Variants in MGAT4C observed in about 807,000 individuals in gnomAD.
MGAT4C encodes MGAT4 family member C.
In MGAT4C, 19 loss-of-function variants were observed where a neutral mutation model predicts 40.1. The ratio of observed to expected loss-of-function variants is 0.47; its 90% CI spans 0.33 to 0.70. The LOEUF is 0.70. Among genes scored for constraint, MGAT4C ranks in the 30% least tolerant of loss-of-function variants. The pLI, the probability that MGAT4C is intolerant of heterozygous loss-of-function variation, is 0.02. For missense variants in MGAT4C, 491 were observed against 563.2 expected (o/e 0.87, Z 1.30); for synonymous variants, 181 against 187.1 (o/e 0.97, Z 0.27).
intron 2 of MGAT4C, among the ~76,000 whole-genome samples, chr12:86,510,851 G>T (rs1057219137): frequency 2.6e-5 from 4 of 151,942 alleles, no homozygotes; most frequent in African/African-American, 9.7e-5. Context: ...CAAGTCCTGG[G>T]TGACCTACAA....
At chr12:86,333,380 T>G (rs1954714814) in intron 4 of MGAT4C, among the ~76,000 whole-genome samples, 1 of 152,208 alleles carries the variant, frequency 6.6e-6, no homozygotes, top group Admixed American at 6.5e-5. Context: ...CTATCAGGCC[T>G]TACGTCCTCT....
At chr12:86,492,180 C>A (rs7399054) in intron 2 of MGAT4C, among the ~76,000 whole-genome samples, 15,846 of 152,136 alleles carry the variant, frequency 0.1, 1,033 homozygotes, top group Middle Eastern at 0.25. Flanking sequence ...TTCCATGCTC[C>A]TGGGTAGGAA....
At chr12:86,146,971 C>T (rs905284834) in intron 1 of MGAT4C, among the ~76,000 whole-genome samples, 4 of 152,114 alleles carry the variant, frequency 2.6e-5, no homozygotes, top group Admixed American at 2.0e-4. Context: ...TACTGCACAA[C>T]ACTCAACAAA....
chr12:86,702,653 C>T (rs1041839835), intron 2 of MGAT4C, among the ~76,000 whole-genome samples: 2 of 152,126 alleles, frequency 1.3e-5, no homozygotes, highest in African/African-American at 4.8e-5. Flanking sequence ...TTAAAGTCCA[C>T]CATTGAGACC....
chr12:85,962,548 G>T lies in MGAT4C; in HGVS notation c.*16741C>A, dbSNP rs1883168405. 6.7e-6 allele frequency: 1 copy of T among 150,106 alleles called. No individual in the cohort carries two copies. Among genetic ancestry groups the T allele is most frequent in the Admixed American group, 6.7e-5 (1 of 15,030 alleles). The allele number at this position is 150,106 out of a possible 1,614,324, so 9.3% of individuals were successfully genotyped here. On this transcript the variant is annotated 3_prime_UTR_variant, in exon 5 of 5. Coordinates refer to ENST00000611864, the MANE Select transcript of MGAT4C (RefSeq NM_001351288.2). The stretch of plus-strand genomic sequence containing the variant: ...TATTACTAAATGTATAATACATTTA[G>T]TAATGTGATTTGACAAATCACATTT...
At chr12:86,431,545 T>A (rs970634333) in intron 3 of MGAT4C, among the ~76,000 whole-genome samples, 2 of 152,132 alleles carry the variant, frequency 1.3e-5, no homozygotes, top group East Asian at 1.9e-4. Flanking sequence ...CCATTATAAG[T>A]TAAATATTAT....
chr12:86,459,804 C>T (rs1592873218), intron 2 of MGAT4C, among the ~76,000 whole-genome samples: 1 of 149,180 alleles, frequency 6.7e-6, no homozygotes, highest in Non-Finnish European at 1.5e-5. Context: ...AGAAACAAAC[C>T]CCTTTCTTCT....
intron 2 of MGAT4C, among the ~76,000 whole-genome samples, chr12:86,435,930 A>G (rs1419101403): frequency 2.0e-5 from 3 of 151,874 alleles, no homozygotes; most frequent in African/African-American, 7.2e-5. Flanking sequence ...GCATTAACTC[A>G]TTATAACTAC....
At chr12:86,321,189 T>C (rs1954376778) in intron 4 of MGAT4C, among the ~76,000 whole-genome samples, 2 of 152,120 alleles carry the variant, frequency 1.3e-5, no homozygotes, top group Non-Finnish European at 2.9e-5. Context: ...AAAATCTATG[T>C]GTGAAAAATT....
intron 2 of MGAT4C, among the ~76,000 whole-genome samples, chr12:86,512,980 C>G (rs1423508320): frequency 6.6e-6 from 1 of 152,014 alleles, no homozygotes; most frequent in Non-Finnish European, 1.5e-5. Flanking sequence ...AGTTAGCTGA[C>G]TGGGAATGGT....
Position 86,789,147 on chromosome 12 carries a change from T to A in MGAT4C, c.-262+49519A>T, listed in dbSNP as rs141914551. On this transcript the variant is annotated intron_variant, in intron 1 of 7. Transcript: ENST00000548651. The stretch of plus-strand genomic sequence containing the variant: ...TTTAAAATGTCAACTGACTTATATG[T>A]TAGGTATTCACGACACTTCTTGCTA... Among the ~76,000 whole-genome samples, 507 of 152,244 alleles carry A rather than the reference T, an allele frequency of 3.3e-3. 2 individuals are homozygous for A. Among genetic ancestry groups the A allele is most frequent in the African/African-American group, 0.012 (500 of 41,572 alleles).
chr12:86,514,109 CAA>C (rs1491470371), intron 2 of MGAT4C, among the ~76,000 whole-genome samples: 2 of 146,842 alleles, frequency 1.4e-5, no homozygotes, highest in African/African-American at 2.5e-5. Context: ...CACACACACA[CAA>C]CCCCGGCTTA....
intron 3 of MGAT4C, among the ~76,000 whole-genome samples, chr12:86,417,542 A>G (rs1956742317): frequency 1.3e-5 from 2 of 152,134 alleles, no homozygotes; most frequent in African/African-American, 4.8e-5. Context: ...TGTAAATTGA[A>G]CAAAATATAT....
intron 2 of MGAT4C, among the ~76,000 whole-genome samples, chr12:86,463,194 T>A (rs976043228): frequency 6.6e-6 from 1 of 152,106 alleles, no homozygotes; most frequent in Admixed American, 6.5e-5. Context: ...ATTTGCTATA[T>A]CCTTTCCATC....
At chr12:86,436,421 CAG>C (rs912394902) in intron 2 of MGAT4C, among the ~76,000 whole-genome samples, 6 of 151,550 alleles carry the variant, frequency 4.0e-5, no homozygotes, top group African/African-American at 1.5e-4. Flanking sequence ...CTTAGGGAGT[CAG>C]AGTGTGGGGG....
At chr12:86,287,074 G>T (rs761178946) in intron 4 of MGAT4C, among the ~76,000 whole-genome samples, 16 of 152,268 alleles carry the variant, frequency 1.1e-4, no homozygotes, top group Non-Finnish European at 1.9e-4. Flanking sequence ...CTTTATGGTA[G>T]AGTGAGTTAT....
At chr12:86,063,547 G>A (rs1894206831) in intron 1 of MGAT4C, among the ~76,000 whole-genome samples, 1 of 152,090 alleles carries the variant, frequency 6.6e-6, no homozygotes, top group African/African-American at 2.4e-5. Flanking sequence ...ATGTAAATGG[G>A]CTAAATACCC....
intron 1 of MGAT4C, among the ~76,000 whole-genome samples, chr12:86,159,026 A>C (rs1885292627): frequency 6.6e-6 from 1 of 151,920 alleles, no homozygotes; most frequent in South Asian, 2.1e-4. Context: ...GATTTTATTT[A>C]TTTTTCTTGC....
At chr12:86,356,138 G>T (rs1179323079) in intron 3 of MGAT4C, among the ~76,000 whole-genome samples, 1 of 152,016 alleles carries the variant, frequency 6.6e-6, no homozygotes, top group Non-Finnish European at 1.5e-5. Flanking sequence ...GTATGTAGAT[G>T]AAAGTCAAAA....
Sources: allele counts gnomAD v4.1 joint callset (sites outside exome capture counted in the v4.1 genomes callset), GRCh38; gene constraint gnomAD v4.1.1; transcripts MANE v1.5; gene names NCBI Gene and HGNC (gene_info 2026-07-23, HGNC 2026-07-21).